Variants in CRYBG3 observed in about 807,000 individuals in gnomAD.
CRYBG3 encodes the protein crystallin beta-gamma domain containing 3.
In CRYBG3, 127 loss-of-function variants were observed where a neutral mutation model predicts 244.2. The ratio of observed to expected loss-of-function variants is 0.52; its 90% CI spans 0.45 to 0.60. The LOEUF is 0.60. Ranked by LOEUF, CRYBG3 falls within the 20% of genes least tolerant of loss-of-function variation. The probability of loss-of-function intolerance (pLI) is 0.00; values close to 1 mark genes in which losing one functional copy is unlikely to be tolerated. For missense variants in CRYBG3, 3,325 were observed against 3,442.5 expected, an observed-to-expected ratio of 0.97 and a Z score of 0.85; for synonymous variants, 1,132 against 1,195.8, an observed-to-expected ratio of 0.95 and a Z score of 1.10.
intron 17 of CRYBG3, chr3:97,924,396 A>C (rs1486900475): frequency 2.2e-6 from 1 of 454,540 alleles, no homozygotes; most frequent in Non-Finnish European, 4.4e-6. Flanking sequence ...AAAAAGCACA[A>C]ATGAATAAGA....
At chr3:97,867,501 A>G (rs913385514) in intron 3 of CRYBG3, among the ~76,000 whole-genome samples, 15 of 152,352 alleles carry the variant, frequency 9.8e-5, no homozygotes, top group African/African-American at 3.6e-4. Context: ...AAATTTATCT[A>G]GAATAGAGCG....
chr3:97,836,213 C>T (rs1474062691), intron 1 of CRYBG3, among the ~76,000 whole-genome samples: 2 of 152,068 alleles, frequency 1.3e-5, no homozygotes, highest in African/African-American at 4.8e-5. Flanking sequence ...ATCATGCCTA[C>T]CTTTCCTCTC....
At chr3:97,833,715 T>G (rs149636308) in intron 1 of CRYBG3, among the ~76,000 whole-genome samples, 190 of 152,144 alleles carry the variant, frequency 1.2e-3, no homozygotes, top group African/African-American at 4.5e-3. Flanking sequence ...CTTCAAAGTA[T>G]AATAATAAAA....
At chr3:97,932,958 A>C (rs1261403909) in intron 17 of CRYBG3, among the ~76,000 whole-genome samples, 1 of 152,062 alleles carries the variant, frequency 6.6e-6, no homozygotes, top group African/African-American at 2.4e-5. Flanking sequence ...GAGGACTCTG[A>C]CACAGCATAT....
intron 21 of CRYBG3, chr3:97,942,676 C>T: frequency 5.2e-6 from 2 of 385,102 alleles, no homozygotes; most frequent in Non-Finnish European, 9.2e-6. Context: ...CTTTCATTTG[C>T]TACGTGAACT....
At chr3:97,865,499 G>C (rs2039218089) in intron 3 of CRYBG3, among the ~76,000 whole-genome samples, 2 of 152,118 alleles carry the variant, frequency 1.3e-5, no homozygotes, top group Non-Finnish European at 2.9e-5. Flanking sequence ...GTGTGATTTA[G>C]GCACAGACCT....
chr3:97,914,306 T>G (rs1310450061), intron 16 of CRYBG3, among the ~76,000 whole-genome samples: 1 of 152,168 alleles, frequency 6.6e-6, no homozygotes, highest in Non-Finnish European at 1.5e-5. Context: ...TTTGTTACTA[T>G]TATTTGGCTC....
chr3:97,881,201 T>C lies in CRYBG3; in HGVS notation c.7134T>C (p.Ser2378=), dbSNP rs764691625. The change falls in exon 7 of 22, where the codon TCT becomes TCC. Residue 2378 remains serine (S), a synonymous_variant. Transcript: ENST00000389622. ...CACAAAGAAACTTTATATTGGGTTC[T>C]CTCAAACGTGTCTTAAAGGTAACAA... ...RHPQRNFILG[S]LKRVLKDCSI... The C allele has an allele frequency of 6.2e-7, 1 of 1,605,396 alleles. No individual in the cohort carries two copies. The highest frequency in any genetic ancestry group is 8.5e-7 in the Non-Finnish European group (1 of 1,176,680).
chr3:97,853,611 T>C (rs1343797553), intron 2 of CRYBG3, among the ~76,000 whole-genome samples: 2 of 152,166 alleles, frequency 1.3e-5, no homozygotes, highest in Non-Finnish European at 2.9e-5. Flanking sequence ...AGATCTACTT[T>C]TAGTTGTTTA....
chr3:97,823,571 T>G (rs1462917754), intron 1 of CRYBG3, among the ~76,000 whole-genome samples: 1 of 152,248 alleles, frequency 6.6e-6, no homozygotes, highest in African/African-American at 2.4e-5. Context: ...TTGCTCTGAC[T>G]GTTGAGAGTT....
At chr3:97,940,639 A>G (rs943241546) in intron 19 of CRYBG3, among the ~76,000 whole-genome samples, 2 of 152,048 alleles carry the variant, frequency 1.3e-5, no homozygotes, top group Non-Finnish European at 2.9e-5. Context: ...CTTTTGAAGA[A>G]ATAAAGGTCT....
At chr3:97,940,487 A>T in intron 19 of CRYBG3, among the ~76,000 whole-genome samples, 1 of 152,028 alleles carries the variant, frequency 6.6e-6, no homozygotes, top group Non-Finnish European at 1.5e-5. Context: ...AATATTAGCT[A>T]TTCTCCTTAG....
chr3:97,917,097 C>G (rs1221467386), intron 17 of CRYBG3, among the ~76,000 whole-genome samples: 2 of 152,070 alleles, frequency 1.3e-5, no homozygotes, highest in Admixed American at 6.6e-5. Context: ...TTTTGTACAA[C>G]TCTTAATTCA....
At chr3:97,885,020 G>C (rs1056340704) in intron 7 of CRYBG3, among the ~76,000 whole-genome samples, 1 of 152,044 alleles carries the variant, frequency 6.6e-6, no homozygotes, top group Admixed American at 6.6e-5. Flanking sequence ...TCCCTGGGGG[G>C]ACATTAATTT....
chr3:97,880,055 C>T lies in CRYBG3; in HGVS notation c.6959C>T (p.Ser2320Leu), dbSNP rs1576541100. The T allele has an allele frequency of 3.1e-6, 5 of 1,601,914 alleles. 1 individual carries two copies. In the South Asian group the frequency reaches 5.6e-5, roughly 18 times the overall value. ...EVYCNIPDAT[S>L]WSFPNGVLIK... ...TACTGTAATATTCCTGATGCTACATCATGGTCTTTTCCAAATGGAGTTCTA... is the reference window on the plus strand; with the variant it reads ...TACTGTAATATTCCTGATGCTACATTATGGTCTTTTCCAAATGGAGTTCTA... The change falls in exon 6 of 22, where the codon TCA becomes TTA. Residue 2320 changes from serine to leucine, a missense_variant. Coordinates refer to ENST00000389622, the MANE Select transcript of CRYBG3 (RefSeq NM_153605.4).
At chr3:97,908,287 A>T (rs981925805) in intron 15 of CRYBG3, among the ~76,000 whole-genome samples, 3 of 152,130 alleles carry the variant, frequency 2.0e-5, no homozygotes, top group African/African-American at 7.2e-5. Context: ...GCTGAGTTCA[A>T]TTCCTGGGTA....
In CRYBG3 at chr3:97,864,510, G is replaced by A. The variant is rs2108204298; in HGVS notation, c.510G>A (p.Glu170=). 2 of 1,535,932 alleles carry A rather than the reference G, an allele frequency of 1.3e-6. No homozygotes were observed. Among genetic ancestry groups the A allele is most frequent in the Non-Finnish European group, 1.7e-6 (2 of 1,146,780 alleles). The change falls in exon 3 of 22, where the codon GAG becomes GAA. Residue 170 remains glutamate, a synonymous_variant. Coordinates refer to ENST00000389622, the MANE Select transcript of CRYBG3 (RefSeq NM_153605.4). ...ATCATGAAGACGGGATCAAAAGGGA[G>A]AGAGAGATTTTCAGTGGCTCCCTAA... ...SDHHEDGIKR[E]REIFSGSLRT...
chr3:97,926,630 A>G (rs1424845144), intron 17 of CRYBG3, among the ~76,000 whole-genome samples: 2 of 152,050 alleles, frequency 1.3e-5, no homozygotes, highest in African/African-American at 2.4e-5. Context: ...GAGTCAAGCT[A>G]TCTCTCTTTA....
In CRYBG3 at chr3:97,893,112, A is replaced by G. The variant is rs573567220; in HGVS notation, c.7574+119A>G. 24 of 861,274 alleles carry G rather than the reference A, an allele frequency of 2.8e-5. No individual in the cohort carries two copies. In the African/African-American group the frequency reaches 3.9e-4, roughly 14 times the overall value. 53.4% of individuals were successfully genotyped at this position (861,274 alleles called of 1,614,324 possible). The stretch of plus-strand genomic sequence containing the variant: ...ATCTAAAAATATACATTCCTTCTGT[A>G]ATATGGAAAGTAAAAAATATTAGTT... On this transcript the variant is annotated intron_variant, in intron 11 of 21. Coordinates refer to ENST00000389622, the MANE Select transcript of CRYBG3 (RefSeq NM_153605.4).
Sources: allele counts gnomAD v4.1 joint callset (sites outside exome capture counted in the v4.1 genomes callset), GRCh38; gene constraint gnomAD v4.1.1; transcripts MANE v1.5; gene names NCBI Gene and HGNC (gene_info 2026-07-23, HGNC 2026-07-21).